SRGAP3: variants seen among roughly 807,000 people sequenced by gnomAD.
SRGAP3 encodes the protein SLIT-ROBO Rho GTPase activating protein 3, also known as SLIT-ROBO Rho GTPase-activating protein 3.
In SRGAP3, 39 loss-of-function variants were observed where a neutral mutation model predicts 121.1. The observed-to-expected ratio is 0.32, with a 90% CI of 0.25 to 0.42. The LOEUF (loss-of-function observed/expected upper bound fraction) is 0.42. Ranked by LOEUF, SRGAP3 falls within the 10% of genes least tolerant of loss-of-function variation. SRGAP3 has a pLI of 1.00. For missense variants in SRGAP3, 1,213 were observed against 1,470.6 expected, an observed-to-expected ratio of 0.82 and a Z score of 2.86; for synonymous variants, 601 against 570.0, an observed-to-expected ratio of 1.05 and a Z score of -0.77.
intron 1 of SRGAP3, among the ~76,000 whole-genome samples, chr3:9,338,187 G>C (rs1471829726): frequency 2.6e-5 from 4 of 152,182 alleles, no homozygotes; most frequent in African/African-American, 9.7e-5. Context: ...ATAGAGGCTT[G>C]CACTTGGGGG....
chr3:9,212,071 A>AGTATATT (rs60030260), intron 1 of SRGAP3, among the ~76,000 whole-genome samples: 71,658 of 151,856 alleles, frequency 0.47, 17,012 homozygotes, highest in East Asian at 0.56. Context: ...AATATAGAAA[A>AGTATATT]CTAGGTATAC....
chr3:9,114,588 G>A (rs1183064245), intron 2 of SRGAP3, among the ~76,000 whole-genome samples: 4 of 152,142 alleles, frequency 2.6e-5, no homozygotes, highest in Non-Finnish European at 4.4e-5. Flanking sequence ...GAGGGTACAC[G>A]TTGGTGTCTG....
At chr3:9,267,153 C>T (rs116636150) in intron 3 of SRGAP3, among the ~76,000 whole-genome samples, 29 of 152,138 alleles carry the variant, frequency 1.9e-4, no homozygotes, top group Non-Finnish European at 3.4e-4. Flanking sequence ...TTCTACCCAG[C>T]GAGGATTTAG....
At chr3:9,342,776 C>A (rs1955813350) in intron 1 of SRGAP3, among the ~76,000 whole-genome samples, 1 of 152,264 alleles carries the variant, frequency 6.6e-6, no homozygotes, top group Non-Finnish European at 1.5e-5. Flanking sequence ...AGAATGGCTT[C>A]ACTCACCCTT....
At position 9,239,716 on chromosome 3, in the gene SRGAP3, T is replaced by C. The variant is rs1953555100; in HGVS notation, c.67+9169A>G. Reference sequence around the variant, plus strand: ...AAATCAATGGTTGAGCACTCTGTAATTGGAAATGTCAAAATCCACATTTCC... The same window carrying C: ...AAATCAATGGTTGAGCACTCTGTAACTGGAAATGTCAAAATCCACATTTCC... On this transcript the variant is annotated intron_variant, in intron 1 of 21. Transcript: ENST00000383836. The surrounding 1 kb of genome is among the most constrained non-coding windows in gnomAD (Gnocchi z 4.0). Among the ~76,000 whole-genome samples, 1 of 152,238 alleles carries C rather than the reference T, an allele frequency of 6.6e-6. No homozygotes were observed. Among genetic ancestry groups the C allele is most frequent in the East Asian group, 1.9e-4 (1 of 5,200 alleles).
chr3:8,985,334 G>C lies in SRGAP3; in HGVS notation c.*185C>G, dbSNP rs1305869170. On this transcript the variant is annotated 3_prime_UTR_variant, in exon 22 of 22. Transcript: ENST00000383836. This position sits in a 1 kb window ranked among gnomAD's most constrained non-coding sequence, Gnocchi z 5.1. ...TCTGTTGACACGCGAGAGGTCCGTG[G>C]GATTCCCATGGCTGGACGTGAGCTG... The C allele has an allele frequency of 1.5e-6, 2 of 1,308,330 alleles. No individual in the cohort carries two copies. The highest frequency in any genetic ancestry group is 3.1e-5 in the African/African-American group (2 of 65,080). The allele number at this position is 1,308,330 out of a possible 1,614,324, so 81.0% of individuals were successfully genotyped here. A position where few individuals can be genotyped will look rare whatever the true frequency, so the allele number is the denominator to read the frequency against.
chr3:9,298,281 A>G (rs1954986596), intron 3 of SRGAP3, among the ~76,000 whole-genome samples: 1 of 152,234 alleles, frequency 6.6e-6, no homozygotes, highest in African/African-American at 2.4e-5. Context: ...TAGTAGGATT[A>G]TTGTTTTATT....
chr3:9,321,235 C>A (rs1955433646), intron 3 of SRGAP3, among the ~76,000 whole-genome samples: 1 of 151,830 alleles, frequency 6.6e-6, no homozygotes. Context: ...GACTTCAGCC[C>A]CAGCCTTCAA....
chr3:8,993,815 G>A (rs1183547041), intron 19 of SRGAP3: 2 of 167,210 alleles, frequency 1.2e-5, no homozygotes, highest in East Asian at 3.2e-4. Flanking sequence ...TGCACTGGAA[G>A]CTTCCATGGC....
chr3:9,080,700 A>C lies in SRGAP3; in HGVS notation c.424-613T>G, dbSNP rs527817886. 2.6e-5 allele frequency among the ~76,000 whole-genome samples: 4 copies of C among 152,276 alleles called. No homozygotes were observed. In the East Asian group the frequency reaches 7.7e-4, roughly 29 times the overall value. ...GGGCATTACCATCTGAGCTCCTGTC[A>C]GATCAGTGGTGGCATTAGATTCTCA... On this transcript the variant is annotated intron_variant, in intron 3 of 21. Transcript: ENST00000383836.
At chr3:9,350,845 T>A (rs996840938) in intron 1 of SRGAP3, among the ~76,000 whole-genome samples, 1 of 152,170 alleles carries the variant, frequency 6.6e-6, no homozygotes, top group African/African-American at 2.4e-5. Flanking sequence ...ATAGATACCA[T>A]TAACTGAGAA....
chr3:9,049,490 G>A, intron 9 of SRGAP3: 1 of 456,090 alleles, frequency 2.2e-6, no homozygotes, highest in Non-Finnish European at 4.4e-6. Flanking sequence ...GGAAACAGAA[G>A]CTCAGAACTG....
At chr3:9,192,862 G>A (rs752587679) in intron 1 of SRGAP3, 1 of 152,132 alleles carries the variant, frequency 6.6e-6, no homozygotes, top group Non-Finnish European at 1.5e-5. Context: ...CTCTAACCTG[G>A]AGCTGACATG....
chr3:9,111,083 T>G lies in SRGAP3; in HGVS notation c.261-6241A>C, dbSNP rs189245672. On this transcript the variant is annotated intron_variant, in intron 2 of 21. Transcript: ENST00000383836. ...GTTCATGCATTCCATACATTTTTGT[T>G]GAATATTTTGTATAGATCAGACCCC... 9.8e-4 allele frequency among the ~76,000 whole-genome samples: 149 copies of G among 152,342 alleles called. 2 individuals are homozygous for G. The highest frequency in any genetic ancestry group is 3.4e-3 in the African/African-American group (143 of 41,582).
intron 1 of SRGAP3, among the ~76,000 whole-genome samples, chr3:9,359,846 T>C (rs922756531): frequency 6.6e-6 from 1 of 152,254 alleles, no homozygotes; most frequent in Admixed American, 6.5e-5. Context: ...CACTTGTTTG[T>C]CTATTCATTA....
intron 1 of SRGAP3, among the ~76,000 whole-genome samples, chr3:9,336,363 A>G (rs1955694673): frequency 6.6e-6 from 1 of 152,066 alleles, no homozygotes; most frequent in Non-Finnish European, 1.5e-5. Flanking sequence ...CTATATGCAC[A>G]CACCACTGTG....
chr3:9,308,491 G>C (rs1955193670), intron 3 of SRGAP3, among the ~76,000 whole-genome samples: 1 of 152,142 alleles, frequency 6.6e-6, no homozygotes, highest in Non-Finnish European at 1.5e-5. Context: ...ATCTTTTTAT[G>C]AGCATTTAAC....
chr3:9,358,560 G>A (rs541341748), intron 1 of SRGAP3, among the ~76,000 whole-genome samples: 15 of 152,298 alleles, frequency 9.8e-5, no homozygotes, highest in African/African-American at 2.9e-4. Context: ...GACACCAGCT[G>A]TGTGTTCTCC....
intron 11 of SRGAP3, chr3:9,036,584 AAAAC>A (rs1944756095): frequency 2.0e-5 from 3 of 152,360 alleles, no homozygotes; most frequent in African/African-American, 7.3e-5. Context: ...AAAACAAAAC[AAAAC>A]AAAACACACA....
Sources: gnomAD v4.1 joint callset for allele counts (sites outside exome capture counted in the v4.1 genomes callset) on GRCh38, gnomAD v4.1.1 for gene constraint, Gnocchi (gnomAD v3.1) non-coding constraint, MANE v1.5 for transcripts, NCBI Gene and HGNC (gene_info 2026-07-23, HGNC 2026-07-21) for gene names.